The following MRPL1 variants were observed in gnomAD, a reference collection of about 807,000 sequenced individuals.
MRPL1 encodes mitochondrial ribosomal protein L1, also known as large ribosomal subunit protein uL1m.
In MRPL1, 28 loss-of-function variants were observed where a neutral mutation model predicts 38.0. The observed-to-expected ratio is 0.74, with a 90% CI of 0.55 to 1.01. The LOEUF is 1.01. Ranked by LOEUF, MRPL1 falls within the 50% of genes least tolerant of loss-of-function variation. The pLI, the probability that MRPL1 is intolerant of heterozygous loss-of-function variation, is 0.00. For synonymous variants in MRPL1, 123 were observed against 126.7 expected, an observed-to-expected ratio of 0.97 and a Z score of 0.20; for missense variants, 358 against 389.8, an observed-to-expected ratio of 0.92 and a Z score of 0.69.
At chr4:77,888,528 T>C (rs1735734398) in intron 5 of MRPL1, among the ~76,000 whole-genome samples, 1 of 151,724 alleles carries the variant, frequency 6.6e-6, no homozygotes, top group Admixed American at 6.6e-5. Flanking sequence ...ATAAAATAAA[T>C]AAACAAACAA....
At chr4:77,901,882 C>T (rs962107438) in intron 6 of MRPL1, among the ~76,000 whole-genome samples, 2 of 152,330 alleles carry the variant, frequency 1.3e-5, no homozygotes, top group South Asian at 4.1e-4. Flanking sequence ...AAACACCCAA[C>T]AACAGCAAAT....
intron 5 of MRPL1, among the ~76,000 whole-genome samples, chr4:77,892,162 G>C (rs1454556383): frequency 6.8e-6 from 1 of 147,932 alleles, no homozygotes; most frequent in Non-Finnish European, 1.5e-5. Flanking sequence ...ATGGAGTTTC[G>C]CTCTTGTTGC....
At chr4:77,866,197 A>G (rs1469818632) in intron 1 of MRPL1, among the ~76,000 whole-genome samples, 1 of 152,044 alleles carries the variant, frequency 6.6e-6, no homozygotes, top group Admixed American at 6.6e-5. Flanking sequence ...GATTACAGGC[A>G]CATGCCACTG....
chr4:77,899,409 A>C lies in MRPL1; in HGVS notation c.670+5159A>C, dbSNP rs190729866. ...TTTCCAGCTGCGATCTTAGTTTTTT[A>C]TGTGTTTTATGTTAAGTTTTTCAAA... is the stretch of plus-strand genomic sequence containing the variant. On this transcript the variant is annotated intron_variant, in intron 6 of 8. Coordinates refer to ENST00000315567, the MANE Select transcript of MRPL1 (RefSeq NM_020236.4). Among the ~76,000 whole-genome samples, 163 of 151,940 alleles carry C rather than the reference A, an allele frequency of 1.1e-3. 1 individual carries two copies. The highest frequency in any genetic ancestry group is 3.6e-3 in the African/African-American group (151 of 41,454).
At chr4:77,867,992 G>A (rs974818527) in intron 1 of MRPL1, among the ~76,000 whole-genome samples, 4 of 151,652 alleles carry the variant, frequency 2.6e-5, no homozygotes, top group Admixed American at 6.6e-5. Flanking sequence ...TCCTGACCTC[G>A]TGATCCGCCC....
chr4:77,907,044 G>A (rs1287584912), intron 6 of MRPL1: 6 of 985,262 alleles, frequency 6.1e-6, no homozygotes, highest in Admixed American at 6.2e-5. Context: ...AATGTATGCT[G>A]AGGGTATGCC....
chr4:77,885,261 C>A lies in MRPL1; in HGVS notation c.408C>A (p.Asn136Lys). The A allele has an allele frequency of 6.2e-7, 1 of 1,611,336 alleles. No individual in the cohort carries two copies. The highest frequency in any genetic ancestry group is 8.5e-7 in the Non-Finnish European group (1 of 1,177,510). ...TLDMALGKKK[N>K]VEPFTSVLSL... The stretch of plus-strand genomic sequence containing the variant: ...TTTCCTTGTCATGTGTTTAGAAAAA[C>A]GTGGAGCCATTTACCAGTGTTCTTA... The change falls in exon 4 of 9, where the codon AAC becomes AAA. Residue 136 changes from asparagine to lysine, a missense_variant. Coordinates refer to ENST00000315567, the MANE Select transcript of MRPL1 (RefSeq NM_020236.4).
At chr4:77,911,749 C>T (rs1260028362) in intron 7 of MRPL1, among the ~76,000 whole-genome samples, 1 of 152,098 alleles carries the variant, frequency 6.6e-6, no homozygotes, top group Non-Finnish European at 1.5e-5. Flanking sequence ...ATTTATCCTC[C>T]TACCTAAAAC....
chr4:77,900,926 A>G (rs1433224073), intron 6 of MRPL1, among the ~76,000 whole-genome samples: 1 of 152,126 alleles, frequency 6.6e-6, no homozygotes, highest in African/African-American at 2.4e-5. Context: ...GGCAGTGAAG[A>G]CAGATGAGGA....
intron 1 of MRPL1, among the ~76,000 whole-genome samples, chr4:77,863,975 C>T (rs1222500962): frequency 2.7e-5 from 4 of 147,594 alleles, no homozygotes; most frequent in Admixed American, 6.8e-5. Flanking sequence ...GTCAGTGATA[C>T]ATGTATATTT....
chr4:77,948,384 G>T (rs1310162701), intron 7 of MRPL1, among the ~76,000 whole-genome samples: 1 of 152,142 alleles, frequency 6.6e-6, no homozygotes, highest in African/African-American at 2.4e-5. Flanking sequence ...TGCCTTCCCT[G>T]CCAGTGAACT....
chr4:77,902,002 C>T (rs556918105), intron 6 of MRPL1, among the ~76,000 whole-genome samples: 9 of 152,186 alleles, frequency 5.9e-5, no homozygotes, highest in Non-Finnish European at 8.8e-5. Flanking sequence ...AAGTGACACA[C>T]GTATGTGTTC....
At chr4:77,946,259 C>G (rs545960809) in intron 7 of MRPL1, among the ~76,000 whole-genome samples, 2 of 152,278 alleles carry the variant, frequency 1.3e-5, no homozygotes, top group East Asian at 1.9e-4. Context: ...AAATATGGCT[C>G]TATTCTGCCT....
At chr4:77,886,395 C>T (rs1225561842) in intron 4 of MRPL1, among the ~76,000 whole-genome samples, 3 of 151,876 alleles carry the variant, frequency 2.0e-5, no homozygotes, top group African/African-American at 4.8e-5. Flanking sequence ...AATGCAATGG[C>T]GTGATCTTGG....
rs549522946 is a variant in MRPL1, at chr4:77,935,241, AC to A, written c.778-14550del. On this transcript the variant is annotated intron_variant, in intron 7 of 8. Coordinates refer to ENST00000315567, the MANE Select transcript of MRPL1 (RefSeq NM_020236.4). The stretch of plus-strand genomic sequence containing the variant: ...TGTATGCATGAGTTTCAAAAGATAC[AC>A]CCCCCAAAATGTTAATTTTACTATC... Among the ~76,000 whole-genome samples the A allele has an allele frequency of 6.0e-4, 91 of 152,048 alleles. 1 individual carries two copies. The highest frequency in any genetic ancestry group is 2.1e-3 in the African/African-American group (86 of 41,462).
intron 7 of MRPL1, among the ~76,000 whole-genome samples, chr4:77,924,473 GC>G (rs1269321233): frequency 6.6e-6 from 1 of 151,886 alleles, no homozygotes; most frequent in East Asian, 1.9e-4. Context: ...TCTGAATCTT[GC>G]CTCCTCCCTT....
intron 7 of MRPL1, among the ~76,000 whole-genome samples, chr4:77,946,108 G>A (rs374049294): frequency 1.3e-5 from 2 of 152,152 alleles, no homozygotes; most frequent in Admixed American, 6.5e-5. Flanking sequence ...TCTCAACCGC[G>A]TAAGACAGAC....
intron 1 of MRPL1, among the ~76,000 whole-genome samples, chr4:77,870,274 G>A (rs1425096979): frequency 1.3e-5 from 2 of 152,064 alleles, no homozygotes; most frequent in Non-Finnish European, 2.9e-5. Flanking sequence ...TTATTATTTT[G>A]GGATCTTCCA....
chr4:77,909,414 T>C, intron 7 of MRPL1, 42 bp downstream of exon 7: 1 of 1,229,076 alleles, frequency 8.1e-7, no homozygotes, highest in South Asian at 1.3e-5. Context: ...TCTTTTTTTG[T>C]TGTTCAAGTA....
Sources: allele counts gnomAD v4.1 joint callset (sites outside exome capture counted in the v4.1 genomes callset), GRCh38; gene constraint gnomAD v4.1.1; transcripts MANE v1.5; gene names NCBI Gene and HGNC (gene_info 2026-07-23, HGNC 2026-07-21).